Variants in ACO2 observed in about 807,000 individuals in gnomAD.
The protein encoded by ACO2 is aconitate hydratase, mitochondrial.
A neutral mutation model predicts 84.5 loss-of-function variants in ACO2; 31 were observed. The observed-to-expected ratio is 0.37, with a 90% CI of 0.28 to 0.50. ACO2 has a LOEUF of 0.50. Ranked by LOEUF, ACO2 falls within the 20% of genes least tolerant of loss-of-function variation. The probability of loss-of-function intolerance (pLI) is 0.97; values close to 1 mark genes in which losing one functional copy is unlikely to be tolerated. For missense variants in ACO2, 685 were observed against 1,029.3 expected (o/e 0.67, Z 4.58); for synonymous variants, 414 against 412.7 (o/e 1.00, Z -0.04).
At chr22:41,472,690 A>G (rs57616198) in intron 1 of ACO2, among the ~76,000 whole-genome samples, 6,504 of 152,186 alleles carry the variant, frequency 0.043, 503 homozygotes, top group African/African-American at 0.15. Flanking sequence ...GGCTCAAGCA[A>G]TCCTGGCTTG....
At chr22:41,479,049 A>G (rs1312873719) in intron 1 of ACO2, among the ~76,000 whole-genome samples, 4 of 152,154 alleles carry the variant, frequency 2.6e-5, no homozygotes, top group African/African-American at 4.8e-5. Flanking sequence ...GAGTGTGTTC[A>G]CAGAGCTCTA....
At chr22:41,506,070 C>CT (rs1367897592) in intron 2 of ACO2, among the ~76,000 whole-genome samples, 6 of 151,232 alleles carry the variant, frequency 4.0e-5, no homozygotes, top group African/African-American at 1.5e-4. Context: ...CAGGTTTGGG[C>CT]TTTTTTGTTT....
At chr22:41,494,120 G>A (rs2066294346) in intron 1 of ACO2, among the ~76,000 whole-genome samples, 1 of 152,204 alleles carries the variant, frequency 6.6e-6, no homozygotes, top group Admixed American at 6.5e-5. Context: ...AAGCAGAACG[G>A]CACAGTGATT....
chr22:41,517,713 T>G, intron 7 of ACO2, 82 bp downstream of exon 7: 1 of 1,280,194 alleles, frequency 7.8e-7, no homozygotes, highest in Non-Finnish European at 1.1e-6. Context: ...CCTTTCCCTG[T>G]AGGGCAGGGG....
chr22:41,481,475 G>A (rs2038086110), intron 1 of ACO2, among the ~76,000 whole-genome samples: 1 of 152,250 alleles, frequency 6.6e-6, no homozygotes, highest in Non-Finnish European at 1.5e-5. Flanking sequence ...CACCATGCTG[G>A]ACAAGGTGGG....
chr22:41,490,528 T>C (rs2146095531), intron 1 of ACO2, among the ~76,000 whole-genome samples: 1 of 152,354 alleles, frequency 6.6e-6, no homozygotes, highest in East Asian at 1.9e-4. Context: ...AATTGGGTTG[T>C]TCTCTTAAAA....
intron 15 of ACO2, 169 bp downstream of exon 15, chr22:41,526,622 A>G: frequency 1.5e-6 from 1 of 664,548 alleles, no homozygotes; most frequent in Middle Eastern, 4.3e-4. Context: ...TGTGGCTGAG[A>G]AGGCATGAGG....
intron 15 of ACO2, chr22:41,526,730 G>A (rs535133614): frequency 9.0e-5 from 36 of 401,440 alleles, no homozygotes; most frequent in Non-Finnish European, 1.4e-4. Flanking sequence ...GAAGGGGGCC[G>A]ACTCAGGAAG....
At chr22:41,511,128 G>GC (rs1245821473) in intron 3 of ACO2, among the ~76,000 whole-genome samples, 1 of 151,932 alleles carries the variant, frequency 6.6e-6, no homozygotes, top group Non-Finnish European at 1.5e-5. Flanking sequence ...GCCTCGGCCT[G>GC]CAAGTAGCTG....
In ACO2 at chr22:41,526,336, C is replaced by T. The variant is rs1256825456; in HGVS notation, c.1836C>T (p.Asn612=). Residue 612 remains asparagine, a synonymous_variant, in exon 15 of 18, where the codon AAC becomes AAT. Coordinates refer to ENST00000216254, the MANE Select transcript of ACO2 (RefSeq NM_001098.3). ...TCAAGTTCCGTGGGCACTTGGATAA[C>T]ATCTCCAACAACCTGCTCATTGGTG... is the stretch of plus-strand genomic sequence containing the variant. ...PWLKFRGHLD[N]ISNNLLIGAI... is the part of the protein sequence containing the mutation. The T allele has an allele frequency of 3.1e-6, 5 of 1,613,132 alleles. No individual in the cohort carries two copies. Among genetic ancestry groups the T allele is most frequent in the South Asian group, 1.1e-5 (1 of 91,038 alleles).
At chr22:41,481,956 G>A (rs967764316) in intron 1 of ACO2, among the ~76,000 whole-genome samples, 4 of 152,210 alleles carry the variant, frequency 2.6e-5, no homozygotes, top group Non-Finnish European at 5.9e-5. Context: ...GTCTTCTCAT[G>A]TAAACAAGGG....
At chr22:41,507,548 C>G (rs1005493783) in intron 2 of ACO2, among the ~76,000 whole-genome samples, 1 of 152,178 alleles carries the variant, frequency 6.6e-6, no homozygotes, top group East Asian at 1.9e-4. Flanking sequence ...GTGATGTTGT[C>G]ATTCACTTAC....
At position 41,528,853 on chromosome 22, in the gene ACO2, G is replaced by C. The variant is rs1343173488; in HGVS notation, c.*240G>C. The C allele has an allele frequency of 5.4e-6, 3 of 551,412 alleles. No individual in the cohort carries two copies. Among genetic ancestry groups the C allele is most frequent in the African/African-American group, 3.9e-5 (2 of 51,918 alleles). The allele number at this position is 551,412 out of a possible 1,614,324, so 34.2% of individuals were successfully genotyped here. On this transcript the variant is annotated 3_prime_UTR_variant, in exon 18 of 18. Coordinates refer to ENST00000216254, the MANE Select transcript of ACO2 (RefSeq NM_001098.3). ...AGATCTTAAGCAGCTCCATGCAACTGTATTTATTTTTGATGACAAGACTCC... is the reference window on the plus strand; with the variant it reads ...AGATCTTAAGCAGCTCCATGCAACTCTATTTATTTTTGATGACAAGACTCC...
At position 41,515,580 on chromosome 22, in the gene ACO2, G is replaced by A. The variant is rs1414177122; in HGVS notation, c.684+45G>A. 1.1e-5 allele frequency: 17 copies of A among 1,585,204 alleles called. No individual in the cohort carries two copies. Among genetic ancestry groups the A allele is most frequent in the Non-Finnish European group, 1.4e-5 (16 of 1,164,314 alleles). On this transcript the variant is annotated intron_variant, in intron 5 of 17. Transcript: ENST00000216254. This position sits in a 1 kb window ranked among gnomAD's most constrained non-coding sequence, Gnocchi z 5.8. ...CATTCTGGGCTGGCTGTGGGGTGGT[G>A]GTTGGTGGGGATGAACGGGAGACGG...
At chr22:41,497,977 CTA>C (rs1411205409) in intron 1 of ACO2, among the ~76,000 whole-genome samples, 7 of 151,996 alleles carry the variant, frequency 4.6e-5, no homozygotes, top group African/African-American at 1.7e-4. Context: ...AACCCTGTCT[CTA>C]TTAAAAATAC....
At chr22:41,485,214 A>G (rs915403438) in intron 1 of ACO2, among the ~76,000 whole-genome samples, 1 of 151,960 alleles carries the variant, frequency 6.6e-6, no homozygotes, top group African/African-American at 2.4e-5. Context: ...CCTTGTAAAC[A>G]GCAGGTTATA....
At position 41,515,698 on chromosome 22, in the gene ACO2, C is replaced by T; in HGVS notation, c.685-69C>T. ...AGCAGCAATGTGAATGGCAGCAGGGCCATCCTGACTTCGTGGCTGGCACAG... is the reference window on the plus strand; with the variant it reads ...AGCAGCAATGTGAATGGCAGCAGGGTCATCCTGACTTCGTGGCTGGCACAG... On this transcript the variant is annotated intron_variant, in intron 5 of 17. Transcript: ENST00000216254. This position sits in a 1 kb window ranked among gnomAD's most constrained non-coding sequence, Gnocchi z 5.8. 1 of 1,608,608 alleles carries T rather than the reference C, an allele frequency of 6.2e-7. No homozygotes were observed.
chr22:41,487,628 TCAAA>T (rs904286384), intron 1 of ACO2, among the ~76,000 whole-genome samples: 16 of 152,166 alleles, frequency 1.1e-4, no homozygotes, highest in Non-Finnish European at 1.8e-4. Context: ...TCCTCATCTG[TCAAA>T]CAAAGAAAAA....
rs2066593731 is a variant in ACO2 at position 41,526,253 on chromosome 22, C to A, written c.1762-9C>A. The A allele has an allele frequency of 1.2e-6, 2 of 1,610,124 alleles. No homozygotes were observed. The highest frequency in any genetic ancestry group is 8.5e-7 in the Non-Finnish European group (1 of 1,178,486). ...CCCTGACCTCTGTCCTCTCTACTTACCACCCAAGGTCAAAGGGAAGTGTAC... is the reference window on the plus strand; with the variant it reads ...CCCTGACCTCTGTCCTCTCTACTTAACACCCAAGGTCAAAGGGAAGTGTAC... On this transcript the variant is annotated splice_polypyrimidine_tract_variant and intron_variant, in intron 14 of 17. Transcript: ENST00000216254.
Sources: allele counts gnomAD v4.1 joint callset (sites outside exome capture counted in the v4.1 genomes callset), GRCh38; gene constraint gnomAD v4.1.1; non-coding constraint Gnocchi (gnomAD v3.1); transcripts MANE v1.5; gene names NCBI Gene and HGNC (gene_info 2026-07-23, HGNC 2026-07-21).